LTO1: variants seen among roughly 807,000 people sequenced by gnomAD.
LTO1 encodes LTO1 maturation factor of ABCE1.
In LTO1, 18 loss-of-function variants were observed where a neutral mutation model predicts 19.8. The ratio of observed to expected loss-of-function variants is 0.91; its 90% CI spans 0.63 to 1.35. The LOEUF is 1.35. Ranked by LOEUF, LTO1 falls within the 40% of genes most tolerant of loss-of-function variation. LTO1 has a pLI of 0.00. For synonymous variants in LTO1, 59 were observed against 59.6 expected, an observed-to-expected ratio of 0.99 and a Z score of 0.05; for missense variants, 175 against 167.9, an observed-to-expected ratio of 1.04 and a Z score of -0.23.
At chr11:69,668,674 TG>T (rs1454691430) in intron 3 of LTO1, among the ~76,000 whole-genome samples, 4 of 94,424 alleles carry the variant, frequency 4.2e-5, no homozygotes, top group African/African-American at 9.4e-5. Context: ...ATTTCTGTTT[TG>T]TTTTTTTTTT....
chr11:69,667,654 C>CT (rs1447327331), intron 4 of LTO1, 67 bp from the exon 5 acceptor site: 3 of 1,096,692 alleles, frequency 2.7e-6, no homozygotes, highest in African/African-American at 1.5e-5. Flanking sequence ...GAAGATAACT[C>CT]TATCTCTAGC....
intron 2 of LTO1, chr11:69,672,074 G>C (rs1233593212): frequency 4.5e-6 from 2 of 449,220 alleles, no homozygotes; most frequent in Non-Finnish European, 8.2e-6. Flanking sequence ...ACTCCACCAG[G>C]GTGGCTTTCG....
At chr11:69,669,322 G>A (rs1856076362) in intron 3 of LTO1, among the ~76,000 whole-genome samples, 1 of 152,188 alleles carries the variant, frequency 6.6e-6, no homozygotes, top group African/African-American at 2.4e-5. Context: ...TGACAGTTAG[G>A]ATGAATCAAC....
At chr11:69,668,454 TC>T in intron 3 of LTO1, 1 of 160,512 alleles carries the variant, frequency 6.2e-6, no homozygotes. Flanking sequence ...AGCAAACCCC[TC>T]CCTCCAAAGG....
chr11:69,675,298 G>T lies in LTO1; in HGVS notation c.-59C>A, dbSNP rs1856175572. 1.5e-6 allele frequency: 2 copies of T among 1,346,326 alleles called. No individual in the cohort carries two copies. Among genetic ancestry groups the T allele is most frequent in the South Asian group, 1.5e-5 (1 of 65,294 alleles). 83.4% of individuals were successfully genotyped at this position (1,346,326 alleles called of 1,614,324 possible). On this transcript the variant is annotated 5_prime_UTR_variant, in exon 1 of 5. The change creates a new upstream start codon in the 5' untranslated region. Transcript: ENST00000279147. ...TCTGCAGCCCCGCGGTGCCGTAGCA[G>T]ACCCGGCAGCTTCAGGCACAAATGC... is the stretch of plus-strand genomic sequence containing the variant.
rs1856117574 is a variant in LTO1 at position 69,672,055 on chromosome 11, T to A, written c.157-236A>T. The A allele has an allele frequency of 1.8e-5, 9 of 494,768 alleles. No homozygotes were observed. The East Asian group carries it at 3.3e-4, about 18-fold the overall frequency. The allele number at this position is 494,768 out of a possible 1,614,324, so 30.6% of individuals were successfully genotyped here. A position where few individuals can be genotyped will look rare whatever the true frequency, so the allele number is the denominator to read the frequency against. On this transcript the variant is annotated intron_variant, in intron 2 of 4. Transcript: ENST00000279147. Reference sequence around the variant, plus strand: ...TCCTGGTACCCATGCCCTGTGCAGGTCCCTCGACACTCCACCAGGGTGGCT... The same window carrying A: ...TCCTGGTACCCATGCCCTGTGCAGGACCCTCGACACTCCACCAGGGTGGCT...
At chr11:69,669,379 G>A (rs942646192) in intron 3 of LTO1, among the ~76,000 whole-genome samples, 4 of 152,170 alleles carry the variant, frequency 2.6e-5, no homozygotes, top group Non-Finnish European at 5.9e-5. Flanking sequence ...CAAACAGCTG[G>A]TGCTCCTGGA....
At chr11:69,673,957 C>T (rs772200678) in intron 1 of LTO1, among the ~76,000 whole-genome samples, 17 of 152,046 alleles carry the variant, frequency 1.1e-4, no homozygotes, top group Non-Finnish European at 1.9e-4. Context: ...CCCGGGTTCA[C>T]GCTCTCCTGC....
intron 1 of LTO1, chr11:69,674,929 G>T (rs1336004348): frequency 1.5e-6 from 1 of 686,160 alleles, no homozygotes; most frequent in Non-Finnish European, 2.7e-6. Context: ...CCACCAGGCT[G>T]AGCAGATGTT....
rs1433763994 is a variant in LTO1, at chr11:69,671,918, G to A, written c.157-99C>T. On this transcript the variant is annotated intron_variant, in intron 2 of 4. Coordinates refer to ENST00000279147, the MANE Select transcript of LTO1 (RefSeq NM_153451.3). ...ACAAAAGGTGGGGGCAGAAGGCAGC[G>A]GTGCTTCTCACACTATTGTTCTGGA... 33 of 759,254 alleles carry A rather than the reference G, an allele frequency of 4.3e-5. No homozygotes were observed. In the East Asian group the frequency reaches 6.1e-4, roughly 14 times the overall value. 47.0% of individuals were successfully genotyped at this position (759,254 alleles called of 1,614,324 possible). A position where few individuals can be genotyped will look rare whatever the true frequency, so the allele number is the denominator to read the frequency against.
chr11:69,675,127 G>C (rs747373612), intron 1 of LTO1, 63 bp downstream of exon 1: 2 of 1,479,372 alleles, frequency 1.4e-6, no homozygotes. Flanking sequence ...GGCCGCAGCC[G>C]GCGGCGAAGC....
Position 69,673,267 on chromosome 11 carries a change from C to T in LTO1, c.105G>A (p.Val35=). 6.2e-7 allele frequency: 1 copy of T among 1,613,910 alleles called. No homozygotes were observed. The highest frequency in any genetic ancestry group is 8.5e-7 in the Non-Finnish European group (1 of 1,179,770). Residue 35 remains valine (V), a synonymous_variant, in exon 2 of 5, where the codon GTG becomes GTA. Transcript: ENST00000279147. ...GCGTGCCATGCTGCCTTCCCTCCAT[C>T]ACACCCAAACTACTGCCTTCTTCAT... ...EGYEEGSSLG[V]MEGRQHGTLH...
chr11:69,670,322 T>C (rs1016419042), intron 3 of LTO1, among the ~76,000 whole-genome samples: 4 of 152,236 alleles, frequency 2.6e-5, no homozygotes, highest in Non-Finnish European at 5.9e-5. Flanking sequence ...ATTCTGCCGC[T>C]GTGGGAGAAG....
intron 3 of LTO1, among the ~76,000 whole-genome samples, chr11:69,668,559 A>G (rs1856065263): frequency 6.6e-6 from 1 of 152,236 alleles, no homozygotes; most frequent in African/African-American, 2.4e-5. Flanking sequence ...AGGAGACAGC[A>G]GCCCTGGGCA....
At chr11:69,675,111 G>T in intron 1 of LTO1, 79 bp downstream of exon 1, 2 of 1,342,410 alleles carry the variant, frequency 1.5e-6, no homozygotes, top group Non-Finnish European at 2.1e-6. Context: ...TCCAGCAGCC[G>T]CCCTGGGCCG....
intron 3 of LTO1, among the ~76,000 whole-genome samples, chr11:69,670,018 CAAA>C (rs57287425): frequency 2.1e-5 from 3 of 143,942 alleles, no homozygotes; most frequent in Middle Eastern, 3.3e-3. Flanking sequence ...AAACAAAAAA[CAAA>C]AAAAAAAACC....
chr11:69,670,822 T>C (rs1181612877), intron 3 of LTO1, among the ~76,000 whole-genome samples: 1 of 152,214 alleles, frequency 6.6e-6, no homozygotes, highest in African/African-American at 2.4e-5. Flanking sequence ...CAAGGGTTCA[T>C]TTCCAGCTTC....
At chr11:69,673,376 A>G in intron 1 of LTO1, 55 bp from the exon 2 acceptor site, 2 of 1,204,926 alleles carry the variant, frequency 1.7e-6, no homozygotes. Context: ...TACTTTCTCC[A>G]GAAAAACTTC....
intron 2 of LTO1, chr11:69,672,515 G>A (rs1325812442): frequency 6.5e-6 from 1 of 154,642 alleles, no homozygotes. Flanking sequence ...TAGGACAAAG[G>A]GCAAGAAGAG....
Sources: allele counts gnomAD v4.1 joint callset (sites outside exome capture counted in the v4.1 genomes callset), GRCh38; gene constraint gnomAD v4.1.1; transcripts MANE v1.5; gene names NCBI Gene and HGNC (gene_info 2026-07-23, HGNC 2026-07-21).